Variants in SMAP1 observed in about 807,000 individuals in gnomAD.
SMAP1 encodes the protein small ArfGAP 1.
Under a neutral mutation model 58.5 loss-of-function variants are expected in SMAP1, and 24 were observed. That is an observed-to-expected ratio of 0.41 (90% confidence interval 0.30 to 0.58). SMAP1 has a LOEUF of 0.58. Ranked by LOEUF, SMAP1 falls within the 20% of genes least tolerant of loss-of-function variation. SMAP1 has a pLI of 0.29. For missense variants in SMAP1, 563 were observed against 566.3 expected (o/e 0.99, Z 0.06); for synonymous variants, 216 against 196.6 (o/e 1.10, Z -0.82).
chr6:70,752,437 T>A (rs534281555), intron 2 of SMAP1, among the ~76,000 whole-genome samples: 29 of 152,338 alleles, frequency 1.9e-4, no homozygotes, highest in African/African-American at 6.5e-4. Context: ...TTTCTTTTCC[T>A]GTAAAATTAG....
intron 4 of SMAP1, among the ~76,000 whole-genome samples, chr6:70,787,112 A>G (rs930842726): frequency 6.6e-6 from 1 of 152,200 alleles, no homozygotes; most frequent in African/African-American, 2.4e-5. Flanking sequence ...ATATAGATCA[A>G]TGGAACAGAA....
intron 5 of SMAP1, among the ~76,000 whole-genome samples, chr6:70,796,472 T>G (rs1768611101): frequency 6.6e-6 from 1 of 152,190 alleles, no homozygotes; most frequent in Non-Finnish European, 1.5e-5. Flanking sequence ...GTTGCAAAGA[T>G]TAAATTAGAC....
chr6:70,726,718 T>C (rs1768800649), intron 1 of SMAP1, among the ~76,000 whole-genome samples: 1 of 152,190 alleles, frequency 6.6e-6, no homozygotes, highest in African/African-American at 2.4e-5. Flanking sequence ...AAATTCCTGT[T>C]CATTTTTTAG....
In SMAP1 at chr6:70,760,307, CT is replaced by C. The variant is rs545945095; in HGVS notation, c.338+5243del. Among the ~76,000 whole-genome samples the C allele has an allele frequency of 4.1e-3, 622 of 152,090 alleles. 1 individual carries two copies. Among genetic ancestry groups the C allele is most frequent in the Non-Finnish European group, 5.8e-3 (395 of 67,938 alleles). On this transcript the variant is annotated intron_variant, in intron 3 of 10. Coordinates refer to ENST00000370455, the MANE Select transcript of SMAP1 (RefSeq NM_001044305.3). ...ATTTAATTTTTCAAACTAAATGTTACTCCTTTTTACAAATTATGGTCATATT... is the reference window on the plus strand; with the variant it reads ...ATTTAATTTTTCAAACTAAATGTTACCCTTTTTACAAATTATGGTCATATT...
intron 1 of SMAP1, among the ~76,000 whole-genome samples, chr6:70,712,749 T>C (rs921482835): frequency 1.3e-5 from 2 of 150,796 alleles, no homozygotes; most frequent in African/African-American, 4.9e-5. Flanking sequence ...TAGTTCCTTA[T>C]TTTTTTTTAT....
chr6:70,852,523 A>C lies in SMAP1; in HGVS notation c.665-17A>C, dbSNP rs1771225160. ...TAAGATATTCTACGTTAAGACGAGA[A>C]TCTATATTCTTTTCAGATGGCCCTG... is the stretch of plus-strand genomic sequence containing the variant. On this transcript the variant is annotated splice_polypyrimidine_tract_variant and intron_variant, in intron 7 of 10. Transcript: ENST00000370455. 6.5e-7 allele frequency: 1 copy of C among 1,529,350 alleles called. No individual in the cohort carries two copies. Among genetic ancestry groups the C allele is most frequent in the Admixed American group, 2.2e-5 (1 of 45,670 alleles). The allele number at this position is 1,529,350 out of a possible 1,614,324, so 94.7% of individuals were successfully genotyped here.
At chr6:70,823,955 A>T (rs571500021) in intron 6 of SMAP1, among the ~76,000 whole-genome samples, 5 of 150,822 alleles carry the variant, frequency 3.3e-5, no homozygotes, top group Non-Finnish European at 7.4e-5. Flanking sequence ...GGTGAGGGCC[A>T]CCCTATGACC....
chr6:70,669,478 G>A (rs1346052454), intron 1 of SMAP1, among the ~76,000 whole-genome samples: 1 of 152,166 alleles, frequency 6.6e-6, no homozygotes, highest in Admixed American at 6.5e-5. Context: ...TAACTTGATT[G>A]AGTCAAGATT....
chr6:70,847,216 A>G (rs1771026214), intron 7 of SMAP1, among the ~76,000 whole-genome samples: 1 of 152,174 alleles, frequency 6.6e-6, no homozygotes, highest in South Asian at 2.1e-4. Flanking sequence ...TTAGGTGACA[A>G]GAGACTGGCC....
At chr6:70,741,663 C>T (rs767439244) in intron 2 of SMAP1, among the ~76,000 whole-genome samples, 10 of 152,176 alleles carry the variant, frequency 6.6e-5, no homozygotes, top group South Asian at 2.1e-4. Flanking sequence ...ACCCTCTTCT[C>T]GTAGATAACT....
rs922936738 is a variant in SMAP1, at chr6:70,802,136, C to T, written c.576+3399C>T. On this transcript the variant is annotated intron_variant, in intron 6 of 10. Transcript: ENST00000370455. ...GGCCATTTTCACGATATTAATTCTT[C>T]GTATCTATGAGCATGGAATGTTCTT... Among the ~76,000 whole-genome samples, 7 of 152,126 alleles carry T rather than the reference C, an allele frequency of 4.6e-5. No individual in the cohort carries two copies. The East Asian group carries it at 5.8e-4, about 13-fold the overall frequency.
intron 2 of SMAP1, among the ~76,000 whole-genome samples, chr6:70,751,640 A>G (rs1766282774): frequency 6.6e-6 from 1 of 152,174 alleles, no homozygotes; most frequent in Non-Finnish European, 1.5e-5. Flanking sequence ...AGAATTTTCA[A>G]AATTACTAAG....
At chr6:70,693,471 T>G (rs1767267375) in intron 1 of SMAP1, among the ~76,000 whole-genome samples, 1 of 151,738 alleles carries the variant, frequency 6.6e-6, no homozygotes, top group Admixed American at 6.6e-5. Context: ...AGCCAGCTAA[T>G]TTTTGTATTT....
intron 3 of SMAP1, among the ~76,000 whole-genome samples, chr6:70,761,680 T>G (rs1462186100): frequency 6.6e-6 from 1 of 152,080 alleles, no homozygotes; most frequent in Non-Finnish European, 1.5e-5. Context: ...TTGTTAATAA[T>G]AAGAGCTAAA....
At chr6:70,786,731 C>G (rs1768052067) in intron 4 of SMAP1, among the ~76,000 whole-genome samples, 1 of 152,058 alleles carries the variant, frequency 6.6e-6, no homozygotes, top group Non-Finnish European at 1.5e-5. Flanking sequence ...AAAATACCTA[C>G]AAATCCAACT....
chr6:70,736,210 T>C (rs906597716), intron 2 of SMAP1, among the ~76,000 whole-genome samples: 2 of 152,246 alleles, frequency 1.3e-5, no homozygotes, highest in African/African-American at 4.8e-5. Context: ...ACCCAAAACT[T>C]ACTTTGATTT....
At position 70,861,423 on chromosome 6, in the gene SMAP1, A is replaced by T; in HGVS notation, c.*1089A>T. 2.0e-6 allele frequency: 1 copy of T among 492,510 alleles called. No homozygotes were observed. 30.5% of individuals were successfully genotyped at this position (492,510 alleles called of 1,614,324 possible). A position where few individuals can be genotyped will look rare whatever the true frequency, so the allele number is the denominator to read the frequency against. ...ACTGTACAAAAAAATCTTCCAATTT[A>T]GTTGTTGTAGAGAAAACATGCAGAA... On this transcript the variant is annotated 3_prime_UTR_variant, in exon 11 of 11. Transcript: ENST00000370455.
intron 6 of SMAP1, among the ~76,000 whole-genome samples, chr6:70,823,857 T>C (rs1264155952): frequency 6.6e-6 from 1 of 151,498 alleles, no homozygotes; most frequent in Non-Finnish European, 1.5e-5. Flanking sequence ...ATTTTTCAGT[T>C]CCCCCTGCCA....
intron 6 of SMAP1, among the ~76,000 whole-genome samples, chr6:70,827,276 G>A (rs1053849932): frequency 6.6e-6 from 1 of 152,176 alleles, no homozygotes. Flanking sequence ...GATATCAAAT[G>A]ACAGAATAAA....
Sources: allele counts gnomAD v4.1 joint callset (sites outside exome capture counted in the v4.1 genomes callset), GRCh38; gene constraint gnomAD v4.1.1; transcripts MANE v1.5; gene names NCBI Gene and HGNC (gene_info 2026-07-23, HGNC 2026-07-21).